Variants in WDR7 observed in about 807,000 individuals in gnomAD.
WDR7 encodes the protein WD repeat domain 7.
Under a neutral mutation model 169.4 loss-of-function variants are expected in WDR7, and 46 were observed. The ratio of observed to expected loss-of-function variants is 0.27; its 90% CI spans 0.21 to 0.35. WDR7 has a LOEUF of 0.35. Among genes scored for constraint, WDR7 ranks in the 10% least tolerant of loss-of-function variants. WDR7 has a pLI of 1.00. For synonymous variants in WDR7, 612 were observed against 666.8 expected (o/e 0.92, Z 1.27); for missense variants, 1,534 against 1,859.3 (o/e 0.83, Z 3.22).
chr18:56,822,246 C>CTA (rs1401476767), intron 20 of WDR7, among the ~76,000 whole-genome samples: 1 of 152,150 alleles, frequency 6.6e-6, no homozygotes, highest in Admixed American at 6.5e-5. Context: ...TTTTTCATTA[C>CTA]TAAACTGTCA....
intron 24 of WDR7, among the ~76,000 whole-genome samples, chr18:56,938,917 G>T (rs970768313): frequency 6.6e-6 from 1 of 150,710 alleles, no homozygotes. Flanking sequence ...AAATCAAAAC[G>T]ATTTTCAAGT....
chr18:56,912,431 A>G (rs1568263063), intron 21 of WDR7, among the ~76,000 whole-genome samples: 1 of 152,208 alleles, frequency 6.6e-6, no homozygotes, highest in Non-Finnish European at 1.5e-5. Flanking sequence ...ATCAGTAGCC[A>G]TAGGAAATCA....
intron 16 of WDR7, among the ~76,000 whole-genome samples, chr18:56,764,518 C>T (rs897056967): frequency 4.6e-5 from 7 of 152,044 alleles, no homozygotes; most frequent in African/African-American, 1.4e-4. Context: ...ATATCTATGA[C>T]CTCATATATG....
At chr18:56,652,012 G>C (rs1250294672) in intron 1 of WDR7, among the ~76,000 whole-genome samples, 1 of 152,126 alleles carries the variant, frequency 6.6e-6, no homozygotes, top group Non-Finnish European at 1.5e-5. Flanking sequence ...TGACACCACT[G>C]TTAGAATTTC....
chr18:56,955,882 A>T (rs1475173847), intron 25 of WDR7, among the ~76,000 whole-genome samples: 3 of 152,184 alleles, frequency 2.0e-5, no homozygotes, highest in Non-Finnish European at 4.4e-5. Flanking sequence ...CACAATTAGT[A>T]AGTATAGATC....
chr18:56,667,832 G>A (rs1445168644), intron 1 of WDR7, among the ~76,000 whole-genome samples: 1 of 152,026 alleles, frequency 6.6e-6, no homozygotes, highest in Non-Finnish European at 1.5e-5. Context: ...TTCTCACCAT[G>A]AACACCCTTC....
intron 26 of WDR7, among the ~76,000 whole-genome samples, chr18:56,979,383 T>A (rs1187050271): frequency 6.6e-6 from 1 of 152,144 alleles, no homozygotes; most frequent in Non-Finnish European, 1.5e-5. Flanking sequence ...GAATTTTAAG[T>A]CCCTACTGTT....
chr18:56,935,391 C>G (rs994216590), intron 22 of WDR7, among the ~76,000 whole-genome samples: 2 of 152,148 alleles, frequency 1.3e-5, no homozygotes, highest in African/African-American at 2.4e-5. Context: ...TTCAGATATA[C>G]AACCTTACAG....
At chr18:57,012,745 T>C (rs148565123) in intron 26 of WDR7, among the ~76,000 whole-genome samples, 32 of 152,278 alleles carry the variant, frequency 2.1e-4, no homozygotes, top group Middle Eastern at 6.8e-3. Context: ...GCTACGGAAA[T>C]TGAAGATCCA....
intron 16 of WDR7, among the ~76,000 whole-genome samples, chr18:56,759,753 T>C (rs1568179412): frequency 7.5e-6 from 1 of 133,534 alleles, no homozygotes; most frequent in Non-Finnish European, 1.5e-5. Context: ...GGCATTTTTC[T>C]TCCCTACTTT....
intron 25 of WDR7, among the ~76,000 whole-genome samples, chr18:56,950,127 G>A (rs1599184971): frequency 6.6e-6 from 1 of 152,176 alleles, no homozygotes; most frequent in Non-Finnish European, 1.5e-5. Context: ...TCAATCTGAC[G>A]AGTGTTTTTC....
rs781389129 is a variant in WDR7, at chr18:56,781,519, G to A, written c.3067-14G>A. ...ATCTGCTTTCTGCTTTTACATTTGG[G>A]TCTGTGGTCTTAGGTGAGAGAAGCC... On this transcript the variant is annotated splice_polypyrimidine_tract_variant and intron_variant, in intron 18 of 27. Transcript: ENST00000254442. 6.3e-7 allele frequency: 1 copy of A among 1,581,778 alleles called. No individual in the cohort carries two copies. Among genetic ancestry groups the A allele is most frequent in the East Asian group, 2.3e-5 (1 of 43,510 alleles).
chr18:56,868,428 A>T (rs1435276513), intron 20 of WDR7, among the ~76,000 whole-genome samples: 1 of 152,100 alleles, frequency 6.6e-6, no homozygotes, highest in African/African-American at 2.4e-5. Flanking sequence ...CCAGTAAATG[A>T]TTTGTCATTT....
intron 20 of WDR7, among the ~76,000 whole-genome samples, chr18:56,852,451 T>C (rs1352484042): frequency 1.3e-5 from 2 of 152,176 alleles, no homozygotes; most frequent in Non-Finnish European, 1.5e-5. Flanking sequence ...GTATTTTGAA[T>C]TGTGGAATAA....
intron 16 of WDR7, among the ~76,000 whole-genome samples, chr18:56,761,906 T>C (rs1383373920): frequency 6.6e-6 from 1 of 152,096 alleles, no homozygotes; most frequent in Non-Finnish European, 1.5e-5. Context: ...CCTTTGAATG[T>C]CAGGGTAATC....
chr18:56,662,005 C>A (rs1359496704), intron 1 of WDR7, among the ~76,000 whole-genome samples: 1 of 152,150 alleles, frequency 6.6e-6, no homozygotes, highest in Non-Finnish European at 1.5e-5. Flanking sequence ...TTGAATAAAC[C>A]TTTACAAACT....
At chr18:56,962,671 C>T (rs527772411) in intron 26 of WDR7, 142 bp downstream of exon 26, 89 of 745,800 alleles carry the variant, frequency 1.2e-4, no homozygotes, top group African/African-American at 2.1e-4. Context: ...TAATGAAGGA[C>T]GCACAGAATA....
chr18:56,849,087 A>G (rs1425410747), intron 20 of WDR7, among the ~76,000 whole-genome samples: 1 of 152,112 alleles, frequency 6.6e-6, no homozygotes, highest in Non-Finnish European at 1.5e-5. Context: ...CTCTTAACCC[A>G]GTGTACCCTT....
chr18:56,887,375 T>C (rs2046211360), intron 21 of WDR7, among the ~76,000 whole-genome samples: 1 of 152,198 alleles, frequency 6.6e-6, no homozygotes, highest in Non-Finnish European at 1.5e-5. Flanking sequence ...TTAAGTGTTT[T>C]AGAACCTGGC....
Sources: gnomAD v4.1 joint callset for allele counts (sites outside exome capture counted in the v4.1 genomes callset) on GRCh38, gnomAD v4.1.1 for gene constraint, MANE v1.5 for transcripts, NCBI Gene and HGNC (gene_info 2026-07-23, HGNC 2026-07-21) for gene names.